Variants in FLVCR2 observed in about 807,000 individuals in gnomAD.
FLVCR2 encodes FLVCR choline and putative heme transporter 2.
In FLVCR2, 38 loss-of-function variants were observed where a neutral mutation model predicts 48.9. That is an observed-to-expected ratio of 0.78 (90% CI 0.60 to 1.02). FLVCR2 has a LOEUF of 1.02. Ranked by LOEUF, FLVCR2 falls within the 50% of genes least tolerant of loss-of-function variation. FLVCR2 has a pLI of 0.00. For synonymous variants in FLVCR2, 255 were observed against 257.0 expected (o/e 0.99, Z 0.07); for missense variants, 664 against 663.3 (o/e 1.00, Z -0.01).
chr14:75,594,885 A>AT (rs113545556), intron 1 of FLVCR2, among the ~76,000 whole-genome samples: 43 of 152,072 alleles, frequency 2.8e-4, no homozygotes, highest in African/African-American at 9.4e-4. Context: ...CACCTGGCTA[A>AT]TTTTTTATTT....
At chr14:75,628,988 G>C (rs1416212997) in intron 3 of FLVCR2, among the ~76,000 whole-genome samples, 2 of 152,310 alleles carry the variant, frequency 1.3e-5, no homozygotes, top group East Asian at 3.9e-4. Context: ...TCACTAAGAG[G>C]GGGAGTAACT....
At chr14:75,633,306 A>G (rs1890090749) in intron 3 of FLVCR2, among the ~76,000 whole-genome samples, 1 of 152,176 alleles carries the variant, frequency 6.6e-6, no homozygotes, top group South Asian at 2.1e-4. Context: ...GATCTACCCA[A>G]CGCTTAAGAA....
intron 1 of FLVCR2, among the ~76,000 whole-genome samples, chr14:75,585,099 G>C (rs1888711405): frequency 6.6e-6 from 1 of 152,092 alleles, no homozygotes. Context: ...GAGCAGCCTG[G>C]GGAGAAGGGG....
intron 7 of FLVCR2, 56 bp downstream of exon 7, chr14:75,641,116 G>T: frequency 5.8e-6 from 9 of 1,548,434 alleles, no homozygotes; most frequent in Non-Finnish European, 8.0e-6. Context: ...CATCATGGCA[G>T]CTCAGTTCTT....
intron 1 of FLVCR2, among the ~76,000 whole-genome samples, chr14:75,594,052 C>T (rs569743462): frequency 1.3e-5 from 2 of 152,320 alleles, no homozygotes; most frequent in African/African-American, 4.8e-5. Context: ...TAGTTCATCA[C>T]TCTTAAGTTC....
At chr14:75,625,811 T>C (rs1325376282) in intron 3 of FLVCR2, among the ~76,000 whole-genome samples, 4 of 151,980 alleles carry the variant, frequency 2.6e-5, no homozygotes, top group African/African-American at 7.3e-5. Context: ...GCTTTTCATA[T>C]CTGATTTTAT....
intron 1 of FLVCR2, among the ~76,000 whole-genome samples, chr14:75,614,362 C>T (rs1889552332): frequency 6.6e-6 from 1 of 152,200 alleles, no homozygotes; most frequent in South Asian, 2.1e-4. Context: ...ATTCTTTCAA[C>T]AACCATGTAT....
intron 1 of FLVCR2, among the ~76,000 whole-genome samples, chr14:75,586,508 C>G (rs927670777): frequency 6.6e-6 from 1 of 152,192 alleles, no homozygotes; most frequent in Non-Finnish European, 1.5e-5. Context: ...AATCCCAGTT[C>G]TTCTCATTGG....
chr14:75,587,248 G>C (rs889840080), intron 1 of FLVCR2, among the ~76,000 whole-genome samples: 2 of 151,912 alleles, frequency 1.3e-5, no homozygotes, highest in Non-Finnish European at 2.9e-5. Flanking sequence ...AGTAGTAAAA[G>C]AGAAATTTAA....
chr14:75,615,894 G>A lies in FLVCR2; in HGVS notation c.670-6185G>A, dbSNP rs75791766. Among the ~76,000 whole-genome samples, 682 of 151,078 alleles carry A rather than the reference G, an allele frequency of 4.5e-3. 7 individuals carry two copies. The highest frequency in any genetic ancestry group is 0.016 in the African/African-American group (658 of 41,208). ...AAAAAAAAATTAGCCAGATGTGGTG[G>A]CGGGAACCTGTAATCCCAGCTACTC... On this transcript the variant is annotated intron_variant, in intron 1 of 9. Coordinates refer to ENST00000238667, the MANE Select transcript of FLVCR2 (RefSeq NM_017791.3).
chr14:75,638,860 T>C lies in FLVCR2; in HGVS notation c.1125-492T>C, dbSNP rs184775215. ...GATGTAATTAAATAATTTTTTTGTG[T>C]GATCATCATCTGTCAGTGTCCATCA... On this transcript the variant is annotated intron_variant, in intron 5 of 9. Coordinates refer to ENST00000238667, the MANE Select transcript of FLVCR2 (RefSeq NM_017791.3). Among the ~76,000 whole-genome samples the C allele has an allele frequency of 8.5e-5, 13 of 152,348 alleles. No individual in the cohort carries two copies. In the East Asian group the frequency reaches 2.5e-3, roughly 29 times the overall value.
chr14:75,604,578 TTAAA>T (rs1381576030), intron 1 of FLVCR2, among the ~76,000 whole-genome samples: 1 of 151,914 alleles, frequency 6.6e-6, no homozygotes, highest in Non-Finnish European at 1.5e-5. Context: ...AAAAAAAGTA[TTAAA>T]TAAAGAACAG....
chr14:75,622,048 A>G (rs1889780112), intron 1 of FLVCR2, 31 bp from the exon 2 acceptor site: 1 of 1,613,576 alleles, frequency 6.2e-7, no homozygotes, highest in Non-Finnish European at 8.5e-7. Context: ...GCCATTGGTA[A>G]CTGTGATTGG....
chr14:75,604,115 C>A (rs1251170868), intron 1 of FLVCR2: 2 of 152,328 alleles, frequency 1.3e-5, no homozygotes, highest in Non-Finnish European at 2.9e-5. Flanking sequence ...GAAAAAGCTA[C>A]TGAATCCTTA....
chr14:75,605,345 A>G lies in FLVCR2; in HGVS notation c.670-16734A>G, dbSNP rs1041709764. The stretch of plus-strand genomic sequence containing the variant: ...TTCTTTCTACCTAGCACCATTCCCA[A>G]GTTAACCCAGTGGAATATCTCCCCT... On this transcript the variant is annotated intron_variant, in intron 1 of 9. Coordinates refer to ENST00000238667, the MANE Select transcript of FLVCR2 (RefSeq NM_017791.3). 2.4e-5 allele frequency: 22 copies of G among 906,838 alleles called. No homozygotes were observed. The East Asian group carries it at 4.0e-4, about 16-fold the overall frequency. 56.2% of individuals were successfully genotyped at this position (906,838 alleles called of 1,614,324 possible).
intron 3 of FLVCR2, 104 bp from the exon 4 acceptor site, chr14:75,633,525 T>G (rs1594812937): frequency 3.2e-5 from 28 of 866,866 alleles, no homozygotes; most frequent in Non-Finnish European, 4.2e-5. Flanking sequence ...AGAGTGGCAG[T>G]GAGATGAGGA....
At chr14:75,590,682 C>G (rs745436715) in intron 1 of FLVCR2, among the ~76,000 whole-genome samples, 59 of 152,056 alleles carry the variant, frequency 3.9e-4, no homozygotes, top group Admixed American at 7.2e-4. Context: ...ACAGGACATC[C>G]TCCCTCTCTC....
At chr14:75,642,132 T>C (rs1053305019) in intron 9 of FLVCR2, among the ~76,000 whole-genome samples, 3 of 152,226 alleles carry the variant, frequency 2.0e-5, no homozygotes, top group Non-Finnish European at 2.9e-5. Context: ...CCTGCCCTCT[T>C]TCTGGAGCCC....
At chr14:75,586,290 AG>A (rs1383120078) in intron 1 of FLVCR2, among the ~76,000 whole-genome samples, 1 of 152,192 alleles carries the variant, frequency 6.6e-6, no homozygotes, top group East Asian at 1.9e-4. Flanking sequence ...AAGGGTGGGG[AG>A]AATTACAAAG....
Sources: allele counts gnomAD v4.1 joint callset (sites outside exome capture counted in the v4.1 genomes callset), GRCh38; gene constraint gnomAD v4.1.1; transcripts MANE v1.5; gene names NCBI Gene and HGNC (gene_info 2026-07-23, HGNC 2026-07-21).